FBXL7: variants seen among roughly 807,000 people sequenced by gnomAD.
The protein encoded by FBXL7 is F-box/LRR-repeat protein 7.
A neutral mutation model predicts 38.3 loss-of-function variants in FBXL7; 12 were observed. The ratio of observed to expected loss-of-function variants is 0.31; its 90% CI spans 0.20 to 0.51. The LOEUF is 0.51. FBXL7 is among the 20% of genes least tolerant of loss of function. The pLI is 0.98. For synonymous variants in FBXL7, 297 were observed against 300.9 expected (o/e 0.99, Z 0.13); for missense variants, 567 against 676.4 (o/e 0.84, Z 1.79).
chr5:15,617,234 T>C (rs1740483172), intron 2 of FBXL7, among the ~76,000 whole-genome samples: 1 of 152,180 alleles, frequency 6.6e-6, no homozygotes, highest in Admixed American at 6.5e-5. Context: ...CTTAAAACCT[T>C]AGCACTGTTT....
At chr5:15,625,625 G>T (rs1392406709) in intron 2 of FBXL7, among the ~76,000 whole-genome samples, 1 of 152,180 alleles carries the variant, frequency 6.6e-6, no homozygotes, top group Non-Finnish European at 1.5e-5. Context: ...CTGCACACCA[G>T]CCTGGGTGAC....
intron 3 of FBXL7, among the ~76,000 whole-genome samples, chr5:15,933,660 C>T (rs1200329379): frequency 6.6e-6 from 1 of 152,224 alleles, no homozygotes; most frequent in Non-Finnish European, 1.5e-5. Context: ...GTGTGCTTCA[C>T]TCCTTCCTGA....
chr5:15,634,634 T>C lies in FBXL7; in HGVS notation c.127+18562T>C, dbSNP rs116195623. Among the ~76,000 whole-genome samples, 733 of 152,252 alleles carry C rather than the reference T, an allele frequency of 4.8e-3. 6 individuals carry two copies. Among genetic ancestry groups the C allele is most frequent in the African/African-American group, 0.017 (712 of 41,558 alleles). ...CTGCGCCTGGCTTTATGCATCAGTT[T>C]CCTGATGCTACTATAACAAATGATG... On this transcript the variant is annotated intron_variant, in intron 2 of 3. Coordinates refer to ENST00000504595, the MANE Select transcript of FBXL7 (RefSeq NM_012304.5).
At chr5:15,644,697 T>A (rs1741475816) in intron 2 of FBXL7, among the ~76,000 whole-genome samples, 1 of 152,210 alleles carries the variant, frequency 6.6e-6, no homozygotes, top group Non-Finnish European at 1.5e-5. Flanking sequence ...ATGAGATGAT[T>A]GGAGCCTTAA....
intron 2 of FBXL7, among the ~76,000 whole-genome samples, chr5:15,676,723 A>C (rs1742666599): frequency 6.6e-6 from 1 of 152,198 alleles, no homozygotes; most frequent in Non-Finnish European, 1.5e-5. Context: ...GCTGCAGGGC[A>C]CTGCTGTTCA....
chr5:15,662,687 A>G (rs1340773210), intron 2 of FBXL7, among the ~76,000 whole-genome samples: 1 of 152,154 alleles, frequency 6.6e-6, no homozygotes, highest in East Asian at 1.9e-4. Flanking sequence ...TATGGTGTCC[A>G]GGAGGAGACC....
chr5:15,546,554 G>A (rs1486148377), intron 1 of FBXL7, among the ~76,000 whole-genome samples: 1 of 151,954 alleles, frequency 6.6e-6, no homozygotes, highest in Non-Finnish European at 1.5e-5. Flanking sequence ...GTGACATAGC[G>A]AGACTCTGTC....
At chr5:15,557,489 G>C (rs1434958558) in intron 1 of FBXL7, among the ~76,000 whole-genome samples, 1 of 152,114 alleles carries the variant, frequency 6.6e-6, no homozygotes. Context: ...ATGGCATAAG[G>C]CTTCTAAAAG....
Position 15,937,069 on chromosome 5 carries a change from C to T in FBXL7, c.1359C>T (p.Cys453=), listed in dbSNP as rs768953288. 3 of 1,613,896 alleles carry T rather than the reference C, an allele frequency of 1.9e-6. No individual in the cohort carries two copies. In the African/African-American group the frequency reaches 4.0e-5, roughly 22 times the overall value. ...GCTTGCAGATCGTGGCCGCCAACTGCTTTGACCTCCAGACGCTGAATGTCC... is the reference window on the plus strand; with the variant it reads ...GCTTGCAGATCGTGGCCGCCAACTGTTTTGACCTCCAGACGCTGAATGTCC... ...GQGLQIVAAN[C]FDLQTLNVQD... is the part of the protein sequence containing the mutation. Residue 453 remains cysteine (C), a synonymous_variant, in exon 4 of 4, where the codon TGC becomes TGT. Coordinates refer to ENST00000504595, the MANE Select transcript of FBXL7 (RefSeq NM_012304.5).
chr5:15,800,111 A>T (rs1737523028), intron 2 of FBXL7, among the ~76,000 whole-genome samples: 1 of 152,128 alleles, frequency 6.6e-6, no homozygotes, highest in South Asian at 2.1e-4. Context: ...AAATCCAGGG[A>T]GGAGCACACA....
intron 1 of FBXL7, among the ~76,000 whole-genome samples, chr5:15,557,612 G>C (rs1738286181): frequency 6.6e-6 from 1 of 152,188 alleles, no homozygotes; most frequent in African/African-American, 2.4e-5. Context: ...GGACATAAGA[G>C]TTGTTTAGCC....
chr5:15,744,425 A>C (rs1053000881), intron 2 of FBXL7, among the ~76,000 whole-genome samples: 2 of 152,154 alleles, frequency 1.3e-5, no homozygotes, highest in African/African-American at 4.8e-5. Context: ...TCCATCTGAG[A>C]TCACCTCAGG....
chr5:15,505,102 G>C (rs138383402), intron 1 of FBXL7, among the ~76,000 whole-genome samples: 9 of 152,136 alleles, frequency 5.9e-5, no homozygotes, highest in African/African-American at 2.2e-4. Context: ...TTGCCTGAGA[G>C]CATAAATCTT....
intron 1 of FBXL7, among the ~76,000 whole-genome samples, chr5:15,566,390 T>G (rs184539848): frequency 6.6e-6 from 1 of 152,268 alleles, no homozygotes; most frequent in Non-Finnish European, 1.5e-5. Context: ...TCTGTTTTAT[T>G]TAGGCAAACC....
intron 1 of FBXL7, among the ~76,000 whole-genome samples, chr5:15,584,362 T>C (rs1739240837): frequency 6.6e-6 from 1 of 152,212 alleles, no homozygotes; most frequent in Admixed American, 6.5e-5. Flanking sequence ...TTCCAAACTT[T>C]TATGCTCTGC....
intron 2 of FBXL7, among the ~76,000 whole-genome samples, chr5:15,619,421 A>T (rs1740555445): frequency 6.6e-6 from 1 of 152,124 alleles, no homozygotes; most frequent in Non-Finnish European, 1.5e-5. Flanking sequence ...TGCCCTGCTC[A>T]CGCCTACCTA....
chr5:15,632,910 A>G (rs12652729), intron 2 of FBXL7, among the ~76,000 whole-genome samples: 13,433 of 152,202 alleles, frequency 0.088, 650 homozygotes, highest in South Asian at 0.13. Flanking sequence ...ACTATGCTCA[A>G]TATACTAAGA....
chr5:15,856,933 T>C (rs1438848120), intron 2 of FBXL7, among the ~76,000 whole-genome samples: 1 of 152,222 alleles, frequency 6.6e-6, no homozygotes, highest in Non-Finnish European at 1.5e-5. Context: ...TAATAAACAT[T>C]CATATATATT....
rs568853702 is a variant in FBXL7, at chr5:15,667,989, C to T, written c.127+51917C>T. Reference sequence around the variant, plus strand: ...TTACCTCTTCATAGGTTGCTGGAAGCGTTAAGTGAGCACAGTATGCAGACT... The same window carrying T: ...TTACCTCTTCATAGGTTGCTGGAAGTGTTAAGTGAGCACAGTATGCAGACT... On this transcript the variant is annotated intron_variant, in intron 2 of 3. Coordinates refer to ENST00000504595, the MANE Select transcript of FBXL7 (RefSeq NM_012304.5). Among the ~76,000 whole-genome samples the T allele has an allele frequency of 5.9e-5, 9 of 152,246 alleles. 1 individual carries two copies. The highest frequency in any genetic ancestry group is 5.8e-4 in the East Asian group (3 of 5,168).
Sources: gnomAD v4.1 joint callset for allele counts (sites outside exome capture counted in the v4.1 genomes callset) on GRCh38, gnomAD v4.1.1 for gene constraint, MANE v1.5 for transcripts, NCBI Gene and HGNC (gene_info 2026-07-23, HGNC 2026-07-21) for gene names.